The following ANKRD26 variants were observed in gnomAD, a reference collection of about 807,000 sequenced individuals.
ANKRD26 encodes ankyrin repeat domain-containing protein 26.
A neutral mutation model predicts 208.7 loss-of-function variants in ANKRD26; 141 were observed. The ratio of observed to expected loss-of-function variants is 0.68; its 90% CI spans 0.59 to 0.78. The LOEUF (loss-of-function observed/expected upper bound fraction) is 0.78, where lower values mean the gene tolerates loss of function less well. Among genes scored for constraint, ANKRD26 ranks in the 30% least tolerant of loss-of-function variants. The probability of loss-of-function intolerance (pLI) is 0.00; values close to 1 mark genes in which losing one functional copy is unlikely to be tolerated. For missense variants in ANKRD26, 1,889 were observed against 1,938.7 expected (o/e 0.97, Z 0.48); for synonymous variants, 636 against 660.4 (o/e 0.96, Z 0.57).
chr10:26,972,420 G>A (rs1486127578), downstream of ANKRD26, among the ~76,000 whole-genome samples: 1 of 151,864 alleles, frequency 6.6e-6, no homozygotes, highest in East Asian at 1.9e-4. Context: ...AAATGTGCAA[G>A]ATTTATGTGA....
In ANKRD26 at chr10:27,017,827, G is replaced by A. The variant is rs1378817688; in HGVS notation, c.4216-35C>T. The A allele has an allele frequency of 1.9e-6, 3 of 1,585,212 alleles. No homozygotes were observed. In the African/African-American group the frequency reaches 4.1e-5, roughly 21 times the overall value. ...GACAATAATATAGTGTAATAATGAA[G>A]GAAGTAGCCTGAGAATAGCCTAACA... On this transcript the variant is annotated intron_variant, in intron 29 of 33. Coordinates refer to ENST00000376087, the MANE Select transcript of ANKRD26 (RefSeq NM_014915.3).
At chr10:26,984,376 T>C (rs2134634881) in intron 3 of ANKRD26, among the ~76,000 whole-genome samples, 1 of 152,334 alleles carries the variant, frequency 6.6e-6, no homozygotes, top group Middle Eastern at 3.4e-3. Flanking sequence ...TTGGCTGGAA[T>C]CACTGTTCAC....
intron 4 of ANKRD26, among the ~76,000 whole-genome samples, chr10:27,091,569 A>C (rs1361397351): frequency 6.6e-6 from 1 of 152,262 alleles, no homozygotes; most frequent in African/African-American, 2.4e-5. Context: ...AAAGAAAGCA[A>C]CTTAAAGCAA....
the ANKRD26 span, among the ~76,000 whole-genome samples, chr10:26,949,067 A>AT: frequency 6.6e-6 from 1 of 152,134 alleles, no homozygotes; most frequent in East Asian, 1.9e-4. Flanking sequence ...ATCAGTGGGT[A>AT]TTTAGTTTTA....
intron 15 of ANKRD26, among the ~76,000 whole-genome samples, chr10:27,056,327 G>A (rs750173021): frequency 1.3e-5 from 2 of 151,804 alleles, no homozygotes; most frequent in African/African-American, 2.4e-5. Flanking sequence ...ACAGGCGCCC[G>A]CCACCACACC....
At chr10:26,963,902 G>GTTTTTTTTTTTTTTTTTTTTTTTTTT in the ANKRD26 span, among the ~76,000 whole-genome samples, 4 of 66,974 alleles carry the variant, frequency 6.0e-5, 2 homozygotes, top group Non-Finnish European at 1.2e-4. Context: ...ATGGTTGGTT[G>GTTTTTTTTTTTTTTTTTTTTTTTTTT]GTTTTTTTTT....
chr10:27,057,001 G>A (rs1165384076), intron 15 of ANKRD26, among the ~76,000 whole-genome samples: 1 of 152,100 alleles, frequency 6.6e-6, no homozygotes, highest in Non-Finnish European at 1.5e-5. Context: ...GATGCTGACT[G>A]ATTTTTGGTC....
intron 16 of ANKRD26, 52 bp from the exon 17 acceptor site, chr10:27,049,031 A>G (rs2054557702): frequency 2.1e-6 from 3 of 1,434,648 alleles, no homozygotes; most frequent in Non-Finnish European, 2.9e-6. Context: ...TTCAATAATA[A>G]TTTCTTTGTT....
intron 23 of ANKRD26, among the ~76,000 whole-genome samples, chr10:27,036,774 C>T (rs1306206506): frequency 2.0e-5 from 3 of 152,146 alleles, no homozygotes; most frequent in African/African-American, 7.2e-5. Flanking sequence ...TGTCACTGAA[C>T]TGGCTGTACT....
At chr10:27,074,105 G>A (rs1240875812) in intron 9 of ANKRD26, among the ~76,000 whole-genome samples, 1 of 110,488 alleles carries the variant, frequency 9.1e-6, no homozygotes, top group Non-Finnish European at 2.4e-5. Flanking sequence ...AATAATTCTG[G>A]TAATATGAAA....
In ANKRD26 at chr10:27,035,161, C is replaced by G; in HGVS notation, c.3289G>C (p.Val1097Leu). Residue 1097 changes from valine (V) to leucine (L), a missense_variant, in exon 24 of 34, where the codon GTA becomes CTA. Physicochemically the swap from Val to Leu is conservative, Grantham distance 32. Coordinates refer to ENST00000376087, the MANE Select transcript of ANKRD26 (RefSeq NM_014915.3). Reference protein sequence around the residue: ...LREKTLGLERVQKDLSQTQCQ... With the variant: ...LREKTLGLERLQKDLSQTQCQ... ...TGTGTTTGGCTTAGGTCCTTTTGTA[C>G]CCGTTCTAAACCCAAAGTCTTTTCT... The G allele has an allele frequency of 6.2e-7, 1 of 1,613,890 alleles. No homozygotes were observed. Among genetic ancestry groups the G allele is most frequent in the Admixed American group, 1.7e-5 (1 of 59,988 alleles).
intron 17 of ANKRD26, among the ~76,000 whole-genome samples, chr10:27,047,701 A>ATACTAC (rs1252384073): frequency 0.011 from 1,528 of 138,764 alleles, 28 homozygotes; most frequent in African/African-American, 0.039. Flanking sequence ...AACTGTAATA[A>ATACTAC]TACTACTACT....
intron 8 of ANKRD26, 34 bp from the exon 9 acceptor site, chr10:27,077,574 A>C (rs201913641): frequency 8.7e-6 from 14 of 1,610,962 alleles, no homozygotes; most frequent in Non-Finnish European, 1.1e-5. Flanking sequence ...GTAAATGAAA[A>C]TATATGTAAT....
At chr10:27,052,536 CA>C (rs1376392735) in intron 16 of ANKRD26, among the ~76,000 whole-genome samples, 1 of 151,638 alleles carries the variant, frequency 6.6e-6, no homozygotes, top group Non-Finnish European at 1.5e-5. Flanking sequence ...AAATAAACAC[CA>C]ATCAGAAAGA....
intron 1 of ANKRD26, among the ~76,000 whole-genome samples, chr10:27,098,903 T>A (rs1027008512): frequency 5.3e-5 from 8 of 152,306 alleles, no homozygotes; most frequent in Admixed American, 3.3e-4. Flanking sequence ...ACAGTCTGTA[T>A]GTATAATCAA....
the ANKRD26 span, among the ~76,000 whole-genome samples, chr10:26,967,207 A>G: frequency 0.33 from 50,289 of 152,104 alleles, 10,584 homozygotes; most frequent in Non-Finnish European, 0.47. Flanking sequence ...GCTTTCGTAG[A>G]CATTTCACCA....
intron 18 of ANKRD26, 47 bp from the exon 19 acceptor site, chr10:27,044,237 G>A: frequency 7.3e-7 from 1 of 1,368,960 alleles, no homozygotes. Flanking sequence ...CATGTAAAAT[G>A]CAAGGAATAT....
At chr10:27,038,793 A>T (rs2054130436) in intron 21 of ANKRD26, among the ~76,000 whole-genome samples, 1 of 152,166 alleles carries the variant, frequency 6.6e-6, no homozygotes, top group East Asian at 1.9e-4. Context: ...GAAATATTGC[A>T]AGTATCCCTA....
At chr10:27,037,468 A>T (rs1206558115) in intron 22 of ANKRD26, 145 bp from the exon 23 acceptor site, 18 of 894,074 alleles carry the variant, frequency 2.0e-5, no homozygotes, top group Non-Finnish European at 1.5e-5. Context: ...AATTACTCAA[A>T]TTTTAATCAC....
Sources: gnomAD v4.1 joint callset for allele counts (sites outside exome capture counted in the v4.1 genomes callset) on GRCh38, gnomAD v4.1.1 for gene constraint, MANE v1.5 for transcripts, NCBI Gene and HGNC (gene_info 2026-07-23, HGNC 2026-07-21) for gene names.